MTMR6: variants seen among roughly 807,000 people sequenced by gnomAD.
MTMR6 encodes phosphatidylinositol-3,5-bisphosphate 3-phosphatase MTMR6.
In MTMR6, 47 loss-of-function variants were observed where a neutral mutation model predicts 80.1. That is an observed-to-expected ratio of 0.59 (90% CI 0.46 to 0.75). MTMR6 has a LOEUF of 0.75. Among genes scored for constraint, MTMR6 ranks in the 30% least tolerant of loss-of-function variants. MTMR6 has a pLI of 0.00. For synonymous variants in MTMR6, 254 were observed against 253.0 expected, an observed-to-expected ratio of 1.00 and a Z score of -0.04; for missense variants, 629 against 730.9, an observed-to-expected ratio of 0.86 and a Z score of 1.61.
rs764356839 is a variant in MTMR6 at position 25,287,232 on chromosome 13, T to A, written c.16A>T (p.Thr6Ser). ...ATCCCGCGCCCGACTACCTTGGTCGTCCGGATATGCTCCATCGCAAGGAGA... is the reference window on the plus strand; with the variant it reads ...ATCCCGCGCCCGACTACCTTGGTCGACCGGATATGCTCCATCGCAAGGAGA... The part of the protein sequence containing the change: MEHIR[T>S]TKVEQVKLLD... The change falls in exon 1 of 14, where the codon ACG becomes TCG. Residue 6 changes from threonine to serine, a missense_variant. Physicochemically the swap from Thr to Ser is moderately conservative, Grantham distance 58 (BLOSUM62 1). Coordinates refer to ENST00000381801, the MANE Select transcript of MTMR6 (RefSeq NM_004685.5). The A allele has an allele frequency of 3.1e-6, 5 of 1,598,150 alleles. No individual in the cohort carries two copies. Among genetic ancestry groups the A allele is most frequent in the Non-Finnish European group, 4.3e-6 (5 of 1,174,904 alleles).
intron 7 of MTMR6, 85 bp from the exon 8 acceptor site, chr13:25,257,930 T>G (rs1957250164): frequency 2.2e-6 from 2 of 900,572 alleles, no homozygotes; most frequent in Non-Finnish European, 3.3e-6. Flanking sequence ...GATAAGTGAA[T>G]GAAGAAAGAA....
chr13:25,263,684 C>T (rs906889569), intron 5 of MTMR6, among the ~76,000 whole-genome samples: 2 of 152,224 alleles, frequency 1.3e-5, no homozygotes, highest in South Asian at 2.1e-4. Flanking sequence ...GTCAGGAGTT[C>T]GAAACCATCC....
chr13:25,282,164 C>T (rs752459599), intron 1 of MTMR6, among the ~76,000 whole-genome samples: 3 of 152,188 alleles, frequency 2.0e-5, no homozygotes, highest in African/African-American at 2.4e-5. Context: ...GGACTCTCCC[C>T]GCCATCCCCC....
chr13:25,255,239 G>A lies in MTMR6; in HGVS notation c.1096-805C>T, dbSNP rs952108447. ...CACTGATGTGGCTGAGGATGTAGTC[G>A]CTGGAGCTCAGGCACAGGCTCCAAT... On this transcript the variant is annotated intron_variant, in intron 9 of 13. Coordinates refer to ENST00000381801, the MANE Select transcript of MTMR6 (RefSeq NM_004685.5). Among the ~76,000 whole-genome samples the A allele has an allele frequency of 4.7e-4, 71 of 152,214 alleles. 1 individual carries two copies. Among genetic ancestry groups the A allele is most frequent in the Admixed American group, 3.3e-4 (5 of 15,282 alleles).
chr13:25,260,831 T>G (rs978772896), intron 6 of MTMR6: 8 of 293,632 alleles, frequency 2.7e-5, no homozygotes, highest in Non-Finnish European at 4.5e-5. Context: ...TGATAAAAAT[T>G]TGGCCCCATA....
In MTMR6 at chr13:25,267,849, C is replaced by G; in HGVS notation, c.234G>C (p.Val78=). ...CTCTTTCTCTGGGAACAATGAAATG[C>G]ACAGTTCTGAAGTTCTTGCACTGTA... is the stretch of plus-strand genomic sequence containing the variant. ...LVIQCKNFRT[V]HFIVPRERDC... The change falls in exon 3 of 14, where the codon GTG becomes GTC. Residue 78 remains valine, a synonymous_variant. Transcript: ENST00000381801. 6.2e-7 allele frequency: 1 copy of G among 1,613,576 alleles called. No homozygotes were observed. Among genetic ancestry groups the G allele is most frequent in the East Asian group, 2.2e-5 (1 of 44,852 alleles).
Position 25,280,202 on chromosome 13 carries a change from G to A in MTMR6, c.25-6015C>T, listed in dbSNP as rs80343264. Among the ~76,000 whole-genome samples the A allele has an allele frequency of 4.7e-3, 717 of 152,322 alleles. 5 individuals are homozygous for A. The highest frequency in any genetic ancestry group is 0.016 in the African/African-American group (679 of 41,566). ...AAGTAGTACAGAGAAGAAAATGTCT[G>A]AAAGGAATGTCTTTAATATAACAAA... On this transcript the variant is annotated intron_variant, in intron 1 of 13. Transcript: ENST00000381801.
intron 1 of MTMR6, among the ~76,000 whole-genome samples, chr13:25,274,703 T>C (rs1957666451): frequency 1.3e-5 from 2 of 152,206 alleles, no homozygotes; most frequent in South Asian, 4.1e-4. Context: ...CTGTTCTCTG[T>C]TTCTAAAATG....
At chr13:25,271,326 T>C (rs1192007540) in intron 2 of MTMR6, among the ~76,000 whole-genome samples, 2 of 152,118 alleles carry the variant, frequency 1.3e-5, no homozygotes. Context: ...TTTGCAAGGT[T>C]TGGCACCATG....
chr13:25,260,177 T>C (rs570126515), intron 6 of MTMR6, among the ~76,000 whole-genome samples: 151 of 151,780 alleles, frequency 9.9e-4, no homozygotes, highest in African/African-American at 3.6e-3. Context: ...AATTCTTTTT[T>C]TTTTTTTTGA....
At chr13:25,263,417 T>C (rs1370296084) in intron 5 of MTMR6, among the ~76,000 whole-genome samples, 3 of 152,172 alleles carry the variant, frequency 2.0e-5, no homozygotes, top group Non-Finnish European at 4.4e-5. Context: ...GACACAGCTG[T>C]GGGCAGGGGT....
chr13:25,274,961 T>C (rs4996909), intron 1 of MTMR6, among the ~76,000 whole-genome samples: 5,284 of 104,876 alleles, frequency 0.05, 36 homozygotes, highest in Middle Eastern at 0.09. Context: ...CACACACACA[T>C]ACACACACAC....
chr13:25,277,465 G>A (rs545058630), intron 1 of MTMR6, among the ~76,000 whole-genome samples: 1 of 152,260 alleles, frequency 6.6e-6, no homozygotes. Context: ...TAAGATGAAC[G>A]GCCACAGAAA....
At chr13:25,262,582 G>A (rs1046382286) in intron 5 of MTMR6, among the ~76,000 whole-genome samples, 3 of 152,086 alleles carry the variant, frequency 2.0e-5, no homozygotes, top group Admixed American at 1.3e-4. Flanking sequence ...TGCCCAGGCT[G>A]GTTGTCAACT....
In MTMR6 at chr13:25,258,586, C is replaced by T; in HGVS notation, c.833G>A (p.Arg278Lys). The change falls in exon 7 of 14, where the codon AGG becomes AAG. Residue 278 changes from arginine (R) to lysine (K), a missense_variant. Physicochemically the swap from Arg to Lys is conservative, Grantham distance 26. Transcript: ENST00000381801. Reference protein sequence around the residue: ...FVGIENIHVMRSSLQKLLEVN... With the variant: ...FVGIENIHVMKSSLQKLLEVN... ...TTCCAATAATTTCTGAAGGCTGGAC[C>T]TCATGACATGAATATTTTCAATTCC... 1 of 1,595,036 alleles carries T rather than the reference C, an allele frequency of 6.3e-7. No individual in the cohort carries two copies. The highest frequency in any genetic ancestry group is 1.2e-5 in the South Asian group (1 of 86,738).
In MTMR6 at chr13:25,249,134, ATTG is replaced by A. The variant is rs1229560485; in HGVS notation, c.*95_*97del. 1 of 1,363,974 alleles carries A rather than the reference ATTG, an allele frequency of 7.3e-7. No individual in the cohort carries two copies. The highest frequency in any genetic ancestry group is 1.0e-6 in the Non-Finnish European group (1 of 1,002,476). The allele number at this position is 1,363,974 out of a possible 1,614,324, so 84.5% of individuals were successfully genotyped here. On this transcript the variant is annotated 3_prime_UTR_variant, in exon 14 of 14. Coordinates refer to ENST00000381801, the MANE Select transcript of MTMR6 (RefSeq NM_004685.5). The stretch of plus-strand genomic sequence containing the variant: ...TATTAGCCTACTGTTAAACCCTAAA[ATTG>A]TTATTAGACAAATTCCTTTTGGTTA...
chr13:25,285,401 C>G (rs555297198), intron 1 of MTMR6, among the ~76,000 whole-genome samples: 11 of 134,100 alleles, frequency 8.2e-5, no homozygotes, highest in Admixed American at 1.5e-4. Context: ...CCCCCCCCCC[C>G]CAATTATGTC....
At position 25,265,957 on chromosome 13, in the gene MTMR6, T is replaced by G; in HGVS notation, c.463-10A>C. 1 of 1,612,618 alleles carries G rather than the reference T, an allele frequency of 6.2e-7. No homozygotes were observed. Among genetic ancestry groups the G allele is most frequent in the Non-Finnish European group, 8.5e-7 (1 of 1,178,746 alleles). ...GGTAAGTTTCACAAATCTGTAAATATCAAACAAAACATAACCATTGTATTC... is the reference window on the plus strand; with the variant it reads ...GGTAAGTTTCACAAATCTGTAAATAGCAAACAAAACATAACCATTGTATTC... On this transcript the variant is annotated splice_polypyrimidine_tract_variant and intron_variant, in intron 4 of 13. Coordinates refer to ENST00000381801, the MANE Select transcript of MTMR6 (RefSeq NM_004685.5).
chr13:25,283,164 T>C (rs545916992), intron 1 of MTMR6, among the ~76,000 whole-genome samples: 1 of 152,192 alleles, frequency 6.6e-6, no homozygotes, highest in East Asian at 1.9e-4. Context: ...AACTGACTAA[T>C]CAAATCTCTT....
Sources: allele counts gnomAD v4.1 joint callset (sites outside exome capture counted in the v4.1 genomes callset), GRCh38; gene constraint gnomAD v4.1.1; transcripts MANE v1.5; gene names NCBI Gene and HGNC (gene_info 2026-07-23, HGNC 2026-07-21).